Variants in ZNF804A observed in about 807,000 individuals in gnomAD.
The protein encoded by ZNF804A is zinc finger protein 804A.
ZNF804A carries 2 observed loss-of-function variants against 16.5 expected under a neutral mutation model. The observed-to-expected ratio is 0.12, with a 90% confidence interval of 0.05 to 0.38. ZNF804A has a LOEUF of 0.38. ZNF804A is among the 10% of genes least tolerant of loss of function. The pLI is 0.99. For synonymous variants in ZNF804A, 534 were observed against 489.6 expected (o/e 1.09, Z -1.20); for missense variants, 1,473 against 1,390.7 (o/e 1.06, Z -0.94).
chr2:184,898,794 A>G (rs994823086), intron 2 of ZNF804A, among the ~76,000 whole-genome samples: 1 of 152,062 alleles, frequency 6.6e-6, no homozygotes, highest in Admixed American at 6.6e-5. Flanking sequence ...AAGAAGAAAT[A>G]TCTATGAAAA....
intron 1 of ZNF804A, among the ~76,000 whole-genome samples, chr2:184,842,801 C>T (rs1226816138): frequency 6.6e-6 from 1 of 152,110 alleles, no homozygotes; most frequent in African/African-American, 2.4e-5. Context: ...TAAAACACCT[C>T]AAGATCAGTT....
intron 1 of ZNF804A, among the ~76,000 whole-genome samples, chr2:184,811,222 T>C (rs995389468): frequency 5.9e-5 from 9 of 152,150 alleles, no homozygotes; most frequent in African/African-American, 2.2e-4. Context: ...ATCAAAATCA[T>C]TGACAAGGAA....
intron 1 of ZNF804A, among the ~76,000 whole-genome samples, chr2:184,776,459 T>C (rs1694286739): frequency 6.6e-6 from 1 of 151,446 alleles, no homozygotes; most frequent in South Asian, 2.1e-4. Flanking sequence ...TCAGGTTTTG[T>C]TGGTTGATTT....
At chr2:184,822,559 G>C (rs190945844) in intron 1 of ZNF804A, among the ~76,000 whole-genome samples, 31 of 152,198 alleles carry the variant, frequency 2.0e-4, no homozygotes, top group African/African-American at 7.0e-4. Flanking sequence ...ACATACATGA[G>C]ATTGAATTTA....
chr2:184,841,438 C>T (rs947193594), intron 1 of ZNF804A, among the ~76,000 whole-genome samples: 2 of 152,022 alleles, frequency 1.3e-5, no homozygotes, highest in Admixed American at 1.3e-4. Flanking sequence ...ATAGTGTTTC[C>T]ATTATCTAAT....
At chr2:184,666,966 G>C (rs967282517) in intron 1 of ZNF804A, among the ~76,000 whole-genome samples, 2 of 151,838 alleles carry the variant, frequency 1.3e-5, no homozygotes, top group Non-Finnish European at 2.9e-5. Context: ...TCTAAATTTT[G>C]GTTTTGGTTA....
chr2:184,761,104 CG>C (rs1694031466), intron 1 of ZNF804A, among the ~76,000 whole-genome samples: 1 of 152,158 alleles, frequency 6.6e-6, no homozygotes, highest in South Asian at 2.1e-4. Flanking sequence ...ATACTTTTCA[CG>C]GAACTTAAAT....
At chr2:184,832,096 G>A (rs74813875) in intron 1 of ZNF804A, among the ~76,000 whole-genome samples, 1,961 of 151,880 alleles carry the variant, frequency 0.013, 56 homozygotes, top group African/African-American at 0.045. Flanking sequence ...AGTATACTTG[G>A]CTTTACCAAT....
chr2:184,828,314 T>C (rs1695204623), intron 1 of ZNF804A, among the ~76,000 whole-genome samples: 1 of 151,778 alleles, frequency 6.6e-6, no homozygotes, highest in Admixed American at 6.6e-5. Flanking sequence ...GTTAATATAA[T>C]TACAATGTGA....
At chr2:184,934,464 T>G (rs1685753205) in intron 3 of ZNF804A, among the ~76,000 whole-genome samples, 1 of 152,150 alleles carries the variant, frequency 6.6e-6, no homozygotes, top group African/African-American at 2.4e-5. Context: ...TGTTATGGGA[T>G]ACGTTGACAT....
chr2:184,745,487 G>A (rs569577217), intron 1 of ZNF804A, among the ~76,000 whole-genome samples: 10 of 151,536 alleles, frequency 6.6e-5, no homozygotes, highest in Admixed American at 5.3e-4. Context: ...TTACTGATGC[G>A]GTTTTTCAAG....
At chr2:184,774,610 T>A (rs539796939) in intron 1 of ZNF804A, among the ~76,000 whole-genome samples, 1 of 151,972 alleles carries the variant, frequency 6.6e-6, no homozygotes, top group African/African-American at 2.4e-5. Flanking sequence ...TGTGGCAGAA[T>A]TGATTCTTCA....
chr2:184,909,428 A>G (rs1176927740), intron 2 of ZNF804A, among the ~76,000 whole-genome samples: 1 of 152,062 alleles, frequency 6.6e-6, no homozygotes. Context: ...CAAACAAAAT[A>G]TAAAGTTGTT....
chr2:184,671,177 T>C (rs1295467401), intron 1 of ZNF804A, among the ~76,000 whole-genome samples: 1 of 152,190 alleles, frequency 6.6e-6, no homozygotes, highest in African/African-American at 2.4e-5. Context: ...CCTAAAGTTT[T>C]GTTTTGAATC....
chr2:184,886,328 T>TC (rs1212744322), intron 2 of ZNF804A, among the ~76,000 whole-genome samples: 2 of 152,108 alleles, frequency 1.3e-5, no homozygotes, highest in Non-Finnish European at 2.9e-5. Context: ...CCCTGTGGCT[T>TC]TGTTGGGTAC....
chr2:184,920,190 A>T (rs1364798555), intron 2 of ZNF804A, among the ~76,000 whole-genome samples: 1 of 152,170 alleles, frequency 6.6e-6, no homozygotes, highest in Non-Finnish European at 1.5e-5. Flanking sequence ...CATGTCATAC[A>T]GGACCATCTA....
intron 1 of ZNF804A, among the ~76,000 whole-genome samples, chr2:184,617,175 C>A (rs1328067062): frequency 1.3e-5 from 2 of 151,986 alleles, no homozygotes; most frequent in East Asian, 3.9e-4. Flanking sequence ...AATCTAACAT[C>A]TACAGAATGG....
At chr2:184,732,140 A>C (rs1693530408) in intron 1 of ZNF804A, among the ~76,000 whole-genome samples, 1 of 152,072 alleles carries the variant, frequency 6.6e-6, no homozygotes, top group Non-Finnish European at 1.5e-5. Context: ...CTCATCATCT[A>C]AGTTTCTTTC....
chr2:184,939,036 T>A lies in ZNF804A; in HGVS notation c.*10T>A, dbSNP rs1267942282. On this transcript the variant is annotated 3_prime_UTR_variant, in exon 4 of 4. Coordinates refer to ENST00000302277, the MANE Select transcript of ZNF804A (RefSeq NM_194250.2). ...GCAACCTCTCTTCTAGTCATCACCA[T>A]AATGGGAAAAAAATACTCTTGTGAA... The A allele has an allele frequency of 2.5e-6, 4 of 1,607,644 alleles. No individual in the cohort carries two copies. Among genetic ancestry groups the A allele is most frequent in the Non-Finnish European group, 3.4e-6 (4 of 1,175,728 alleles).
Sources: gnomAD v4.1 joint callset for allele counts (sites outside exome capture counted in the v4.1 genomes callset) on GRCh38, gnomAD v4.1.1 for gene constraint, MANE v1.5 for transcripts, NCBI Gene and HGNC (gene_info 2026-07-23, HGNC 2026-07-21) for gene names.